The following KREMEN1 variants were observed in gnomAD, a reference collection of about 807,000 sequenced individuals.
KREMEN1 encodes the protein kremen protein 1.
Under a neutral mutation model 46.5 loss-of-function variants are expected in KREMEN1, and 30 were observed. The observed-to-expected ratio is 0.65, with a 90% confidence interval of 0.48 to 0.88. The LOEUF is 0.88. Among genes scored for constraint, KREMEN1 ranks in the 40% least tolerant of loss-of-function variants. The probability of loss-of-function intolerance (pLI) is 0.00; values close to 1 mark genes in which losing one functional copy is unlikely to be tolerated. For synonymous variants in KREMEN1, 214 were observed against 230.6 expected, an observed-to-expected ratio of 0.93 and a Z score of 0.65; for missense variants, 533 against 596.9, an observed-to-expected ratio of 0.89 and a Z score of 1.11.
intron 3 of KREMEN1, among the ~76,000 whole-genome samples, chr22:29,118,304 C>T (rs147230273): frequency 2.0e-5 from 3 of 152,282 alleles, no homozygotes; most frequent in East Asian, 1.9e-4. Flanking sequence ...CCAGAAGTGA[C>T]ATCCCATCAA....
At chr22:29,146,889 G>A, downstream of KREMEN1, 1 of 709,646 alleles carries the variant, frequency 1.4e-6, no homozygotes, top group Non-Finnish European at 1.7e-6. Flanking sequence ...GAGGGTGTCT[G>A]TGGTGGGATT....
At chr22:29,128,306 T>C (rs968379637) in intron 5 of KREMEN1, among the ~76,000 whole-genome samples, 7 of 152,220 alleles carry the variant, frequency 4.6e-5, no homozygotes, top group African/African-American at 1.7e-4. Context: ...ATATTTTCAA[T>C]TTACAATGAG....
intron 5 of KREMEN1, among the ~76,000 whole-genome samples, chr22:29,125,783 T>G (rs894002080): frequency 6.6e-6 from 1 of 152,068 alleles, no homozygotes; most frequent in African/African-American, 2.4e-5. Context: ...CCAAACCCTT[T>G]TGACTGTTTT....
intron 3 of KREMEN1, chr22:29,111,818 A>C (rs949296721): frequency 2.0e-5 from 3 of 152,178 alleles, no homozygotes; most frequent in African/African-American, 7.2e-5. Flanking sequence ...TAGAAAACAT[A>C]ATAATAGTCA....
At position 29,125,269 on chromosome 22, in the gene KREMEN1, G is replaced by A; in HGVS notation, c.484G>A (p.Gly162Arg). 1 of 1,614,100 alleles carries A rather than the reference G, an allele frequency of 6.2e-7. No homozygotes were observed. The highest frequency in any genetic ancestry group is 8.5e-7 in the Non-Finnish European group (1 of 1,179,992). ...TGCTTCTCTGTTGTGGCAGTTTGCTGGGATGGAGTCAGGCTATGCTTGCTT... is the reference window on the plus strand; with the variant it reads ...TGCTTCTCTGTTGTGGCAGTTTGCTAGGATGGAGTCAGGCTATGCTTGCTT... ...FCRSQRFKFA[G>R]MESGYACFCG... Residue 162 changes from glycine to arginine, a missense_variant, in exon 5 of 9, where the codon GGG (glycine) becomes AGG (arginine). Transcript: ENST00000400335.
intron 3 of KREMEN1, chr22:29,099,547 C>CTTTTTTTTTTTTT (rs56950687): frequency 1.6e-4 from 17 of 108,802 alleles, no homozygotes; most frequent in Middle Eastern, 5.9e-3. Context: ...ACTTTTTTTC[C>CTTTTTTTTTTTTT]TTTTTTTTTT....
chr22:29,122,864 G>A (rs1569327192), intron 4 of KREMEN1, among the ~76,000 whole-genome samples: 1 of 146,540 alleles, frequency 6.8e-6, no homozygotes, highest in African/African-American at 2.5e-5. Context: ...CTTGAACACA[G>A]GAGGCGGAGG....
In KREMEN1 at chr22:29,146,024, A is replaced by T; in HGVS notation, c.*3912A>T. ...TGGCACTGCACGCTTACTCTTCACA[A>T]GCACTTATACGCGGATGGCCTCCGA... On this transcript the variant is annotated 3_prime_UTR_variant, in exon 9 of 9. Transcript: ENST00000400335. 6.1e-6 allele frequency: 6 copies of T among 985,368 alleles called. No individual in the cohort carries two copies. Among genetic ancestry groups the T allele is most frequent in the Non-Finnish European group, 7.2e-6 (6 of 829,560 alleles). 61.0% of individuals were successfully genotyped at this position (985,368 alleles called of 1,614,324 possible).
intron 9 of KREMEN1, among the ~76,000 whole-genome samples, chr22:29,162,414 T>C (rs1026938035): frequency 6.6e-6 from 1 of 151,554 alleles, no homozygotes; most frequent in Non-Finnish European, 1.5e-5. Context: ...CATTCCCCCT[T>C]GGAACAAGAA....
chr22:29,129,932 C>G (rs1184850389), intron 5 of KREMEN1, among the ~76,000 whole-genome samples: 1 of 152,198 alleles, frequency 6.6e-6, no homozygotes, highest in Non-Finnish European at 1.5e-5. Context: ...ATTGAATTAA[C>G]ATAACCAAAC....
At chr22:29,118,740 T>C (rs895655052) in intron 3 of KREMEN1, among the ~76,000 whole-genome samples, 1 of 152,074 alleles carries the variant, frequency 6.6e-6, no homozygotes, top group East Asian at 1.9e-4. Context: ...ATATATTAAT[T>C]TTAGGGAGTA....
rs757083028 is a variant in KREMEN1 at position 29,094,346 on chromosome 22, G to C, written c.186G>C (p.Glu62Asp). ...GGAAGCCATGTCTGTTTTGGAACGA[G>C]ACTTTCCAGCATCCATACAACACTC... ...QGGKPCLFWN[E>D]TFQHPYNTLK... Residue 62 changes from glutamate to aspartate, a missense_variant, in exon 2 of 9, where the codon GAG becomes GAC. Transcript: ENST00000400335. The C allele has an allele frequency of 1.3e-5, 21 of 1,613,900 alleles. No individual in the cohort carries two copies. Among genetic ancestry groups the C allele is most frequent in the Middle Eastern group, 1.7e-4 (1 of 6,050 alleles).
downstream of KREMEN1, among the ~76,000 whole-genome samples, chr22:29,148,161 T>G (rs2038886462): frequency 6.6e-6 from 1 of 152,130 alleles, no homozygotes; most frequent in East Asian, 1.9e-4. Context: ...TCTTTTGGGC[T>G]AAGTCCACTG....
chr22:29,149,835 G>A (rs1281390702), downstream of KREMEN1, among the ~76,000 whole-genome samples: 1 of 152,166 alleles, frequency 6.6e-6, no homozygotes, highest in Non-Finnish European at 1.5e-5. Flanking sequence ...CCGGGAGCCA[G>A]CACCAGGGCA....
chr22:29,123,816 A>G (rs2038396906), intron 4 of KREMEN1, among the ~76,000 whole-genome samples: 1 of 152,184 alleles, frequency 6.6e-6, no homozygotes, highest in Non-Finnish European at 1.5e-5. Flanking sequence ...AAAGAAAGAA[A>G]AAGAAGATAT....
At chr22:29,120,652 G>GGAGGGAGAGGTGC (rs1556010287) in intron 3 of KREMEN1, among the ~76,000 whole-genome samples, 3 of 36,318 alleles carry the variant, frequency 8.3e-5, no homozygotes, top group South Asian at 1.6e-3. Context: ...GAAACAGAGG[G>GGAGGGAGAGGTGC]TGAAATGGTG....
chr22:29,120,936 G>A (rs2038346503), intron 3 of KREMEN1, among the ~76,000 whole-genome samples: 1 of 152,170 alleles, frequency 6.6e-6, no homozygotes, highest in African/African-American at 2.4e-5. Flanking sequence ...AATCTTTGAA[G>A]GAATTAGGAG....
In KREMEN1 at chr22:29,125,133, G is replaced by A. The variant is rs147682195; in HGVS notation, c.478-130G>A. The stretch of plus-strand genomic sequence containing the variant: ...AGTGTTGCAAGAGTGGAAGAAGGGG[G>A]AGGTCCCAGGGGAAGGGACCCTGGG... On this transcript the variant is annotated intron_variant, in intron 4 of 8. Transcript: ENST00000400335. 3.4e-5 allele frequency: 30 copies of A among 872,352 alleles called. No individual in the cohort carries two copies. The East Asian group carries it at 5.4e-4, about 16-fold the overall frequency. The allele number at this position is 872,352 out of a possible 1,614,324, so 54.0% of individuals were successfully genotyped here.
At chr22:29,113,034 G>T (rs1309313299) in intron 3 of KREMEN1, among the ~76,000 whole-genome samples, 1 of 152,222 alleles carries the variant, frequency 6.6e-6, no homozygotes, top group Non-Finnish European at 1.5e-5. Context: ...ATGTGTTTGA[G>T]AATTCAGTCT....
Sources: allele counts gnomAD v4.1 joint callset (sites outside exome capture counted in the v4.1 genomes callset), GRCh38; gene constraint gnomAD v4.1.1; transcripts MANE v1.5; gene names NCBI Gene and HGNC (gene_info 2026-07-23, HGNC 2026-07-21).